The following SYCP1 variants were observed in gnomAD, a reference collection of about 807,000 sequenced individuals.
The protein encoded by SYCP1 is synaptonemal complex protein 1.
SYCP1 carries 64 observed loss-of-function variants against 153.1 expected under a neutral mutation model. The observed-to-expected ratio is 0.42, with a 90% CI of 0.34 to 0.51. The LOEUF is 0.51. Ranked by LOEUF, SYCP1 falls within the 20% of genes least tolerant of loss-of-function variation. The pLI is 0.06. For synonymous variants in SYCP1, 384 were observed against 341.8 expected, an observed-to-expected ratio of 1.12 and a Z score of -1.36; for missense variants, 997 against 1,049.0, an observed-to-expected ratio of 0.95 and a Z score of 0.68.
intron 8 of SYCP1, among the ~76,000 whole-genome samples, chr1:114,868,750 T>G (rs932296537): frequency 1.3e-5 from 2 of 152,244 alleles, no homozygotes; most frequent in African/African-American, 4.8e-5. Context: ...TTATTCAGAT[T>G]GCCTGCTTTT....
At chr1:114,984,078 T>TA (rs1180279596) in intron 29 of SYCP1, among the ~76,000 whole-genome samples, 1 of 151,870 alleles carries the variant, frequency 6.6e-6, no homozygotes, top group Non-Finnish European at 1.5e-5. Flanking sequence ...TTTTTTTAAT[T>TA]AAAAAAAATT....
chr1:114,946,486 CAG>C (rs1670717486), intron 26 of SYCP1, 105 bp downstream of exon 26: 3 of 624,168 alleles, frequency 4.8e-6, no homozygotes, highest in Middle Eastern at 3.2e-4. Flanking sequence ...GCTATAGAAT[CAG>C]AGTCTTAACT....
intron 12 of SYCP1, among the ~76,000 whole-genome samples, chr1:114,882,497 C>T (rs75247564): frequency 0.031 from 4,762 of 151,848 alleles, 124 homozygotes; most frequent in Non-Finnish European, 0.042. Flanking sequence ...TCAGTTTCTT[C>T]TTATTTTCGA....
At chr1:114,921,729 C>T (rs1243000583) in intron 20 of SYCP1, among the ~76,000 whole-genome samples, 1 of 151,782 alleles carries the variant, frequency 6.6e-6, no homozygotes, top group Non-Finnish European at 1.5e-5. Flanking sequence ...TTACTGTTAC[C>T]AGTGAGTTGT....
At chr1:114,978,878 GTA>G (rs1165341456) in intron 28 of SYCP1, among the ~76,000 whole-genome samples, 2 of 151,524 alleles carry the variant, frequency 1.3e-5, no homozygotes, top group African/African-American at 4.8e-5. Context: ...ACTTAAGGAA[GTA>G]TCTAATGAAT....
At chr1:114,896,873 T>G (rs1399166255) in intron 16 of SYCP1, among the ~76,000 whole-genome samples, 3 of 152,180 alleles carry the variant, frequency 2.0e-5, no homozygotes, top group Admixed American at 6.5e-5. Flanking sequence ...GAAGGGTGTG[T>G]AAGGCAGGCT....
At position 114,923,460 on chromosome 1, in the gene SYCP1, A is replaced by G. The variant is rs766941257; in HGVS notation, c.1730A>G (p.Glu577Gly). ...ETETQLRNEL[E>G]YVREELKQKR... ...CCATTTTCTTTTAGAAATGAACTAG[A>G]ATATGTGAGAGAAGAGCTAAAACAG... Residue 577 changes from glutamate to glycine, a missense_variant, in exon 21 of 32, where the codon GAA (glutamate) becomes GGA (glycine). Physicochemically the swap from Glu to Gly is moderately conservative, Grantham distance 98 (BLOSUM62 -2). This residue lies in a region of SYCP1 where 712 missense variants were observed against 682.9 expected (regional missense o/e 1.04). Transcript: ENST00000369522. The G allele has an allele frequency of 2.5e-6, 4 of 1,585,610 alleles. No individual in the cohort carries two copies. Among genetic ancestry groups the G allele is most frequent in the Non-Finnish European group, 3.4e-6 (4 of 1,162,658 alleles).
rs3849190 is a variant in SYCP1 at position 114,913,023 on chromosome 1, T to A, written c.1530-10T>A. On this transcript the variant is annotated splice_polypyrimidine_tract_variant and intron_variant, in intron 18 of 31. Transcript: ENST00000369522. ...AATATTTTGGTATGACTTTTTTTTT[T>A]AAAAAATAGGCTTAAGAATACTGAA... 3.2e-3 allele frequency: 4,887 copies of A among 1,547,376 alleles called. 89 individuals carry two copies. In the African/African-American group the frequency reaches 0.05, roughly 16 times the overall value.
intron 28 of SYCP1, among the ~76,000 whole-genome samples, chr1:114,977,927 C>T (rs1412470121): frequency 2.0e-5 from 3 of 151,470 alleles, no homozygotes; most frequent in East Asian, 1.9e-4. Context: ...CTGTGTTTCT[C>T]TCTTAAGAAT....
At chr1:114,855,330 T>G in intron 1 of SYCP1, 111 bp from the exon 2 acceptor site, 1 of 125,064 alleles carries the variant, frequency 8.0e-6, no homozygotes, top group East Asian at 1.5e-4. Context: ...CGTGGATTCC[T>G]TTTTTTTTAG....
chr1:114,912,384 T>A (rs1301855024), intron 18 of SYCP1, among the ~76,000 whole-genome samples: 1 of 151,950 alleles, frequency 6.6e-6, no homozygotes, highest in Admixed American at 6.6e-5. Flanking sequence ...TATCATTAAG[T>A]AGAAATAGAT....
At chr1:114,974,408 G>T in intron 27 of SYCP1, among the ~76,000 whole-genome samples, 1 of 152,010 alleles carries the variant, frequency 6.6e-6, no homozygotes, top group South Asian at 2.1e-4. Context: ...CAGTTCAGCA[G>T]TGTTAAGTAT....
At chr1:114,931,356 A>G (rs886091926) in intron 23 of SYCP1, among the ~76,000 whole-genome samples, 54 of 152,134 alleles carry the variant, frequency 3.5e-4, no homozygotes, top group Non-Finnish European at 4.4e-4. Flanking sequence ...CTACAAAGTC[A>G]CTACAAGATT....
chr1:114,937,253 C>T (rs200323042), intron 23 of SYCP1, among the ~76,000 whole-genome samples: 15,396 of 152,088 alleles, frequency 0.1, 931 homozygotes, highest in South Asian at 0.17. Context: ...CATCTACAAC[C>T]ATCTGATCTT....
intron 30 of SYCP1, among the ~76,000 whole-genome samples, chr1:114,992,167 T>C (rs763735350): frequency 5.3e-5 from 8 of 151,726 alleles, no homozygotes; most frequent in African/African-American, 1.5e-4. Context: ...CCTAAATAAA[T>C]GGAAAGACAT....
chr1:114,947,780 C>CT (rs1226770813), intron 27 of SYCP1, among the ~76,000 whole-genome samples: 2 of 118,856 alleles, frequency 1.7e-5, no homozygotes, highest in Non-Finnish European at 3.2e-5. Flanking sequence ...CCACTGCACT[C>CT]TAGCCTGGGA....
chr1:114,892,544 T>G (rs1265152971), intron 15 of SYCP1, among the ~76,000 whole-genome samples: 1 of 152,128 alleles, frequency 6.6e-6, no homozygotes, highest in Non-Finnish European at 1.5e-5. Context: ...AGGTTGTGGC[T>G]GTGAGCAAGG....
At chr1:114,897,185 A>G (rs1667131579) in intron 16 of SYCP1, among the ~76,000 whole-genome samples, 1 of 152,206 alleles carries the variant, frequency 6.6e-6, no homozygotes, top group South Asian at 2.1e-4. Flanking sequence ...ACAAAGACCA[A>G]TCTTAATTGC....
At chr1:114,978,617 ATCT>A in intron 28 of SYCP1, among the ~76,000 whole-genome samples, 2 of 151,766 alleles carry the variant, frequency 1.3e-5, no homozygotes, top group East Asian at 3.9e-4. Context: ...TAGTGATATA[ATCT>A]CCTAAGTTCC....
Sources: gnomAD v4.1 joint callset for allele counts (sites outside exome capture counted in the v4.1 genomes callset) on GRCh38, gnomAD v4.1.1 for gene constraint, gnomAD v4.1.1 regional missense constraint, MANE v1.5 for transcripts, NCBI Gene and HGNC (gene_info 2026-07-23, HGNC 2026-07-21) for gene names.